EMP2: variants seen among roughly 807,000 people sequenced by gnomAD.
EMP2 encodes the protein epithelial membrane protein 2.
Under a neutral mutation model 13.7 loss-of-function variants are expected in EMP2, and 19 were observed. The ratio of observed to expected loss-of-function variants is 1.38; its 90% CI spans 0.97 to 2.03. EMP2 has a LOEUF of 2.03. Ranked by LOEUF, EMP2 falls within the 30% of genes most tolerant of loss-of-function variation. The pLI is 0.00. For missense variants in EMP2, 253 were observed against 220.7 expected, an observed-to-expected ratio of 1.15 and a Z score of -0.93; for synonymous variants, 97 against 84.7, an observed-to-expected ratio of 1.15 and a Z score of -0.80.
chr16:10,544,986 C>T (rs2050729127), intron 2 of EMP2: 1 of 152,284 alleles, frequency 6.6e-6, no homozygotes. Flanking sequence ...TGGCTGCTGC[C>T]CTTCCCCCAC....
rs1312547668 is a variant in EMP2, at chr16:10,562,378, C to CTCTCTCTCTCTCTA, written c.-60-14702_-60-14701insTAGAGAGAGAGAGA. Reference sequence around the variant, plus strand: ...TCTCTCTCTCTCTCTCTCTCTCTCTCTCTATCTATCTCTCTCTCTCTATCT... The same window carrying CTCTCTCTCTCTCTA: ...TCTCTCTCTCTCTCTCTCTCTCTCTCTCTCTCTCTCTCTATCTATCTATCTCTCTCTCTCTATCT... On this transcript the variant is annotated intron_variant, in intron 1 of 4. Transcript: ENST00000359543. 3.7e-4 allele frequency among the ~76,000 whole-genome samples: 50 copies of CTCTCTCTCTCTCTA among 135,442 alleles called. 1 individual carries two copies. Among genetic ancestry groups the CTCTCTCTCTCTCTA allele is most frequent in the Non-Finnish European group, 4.8e-4 (30 of 62,608 alleles). The allele number at this position is 135,442 out of a possible 152,430, so 88.9% of individuals were successfully genotyped here.
intron 1 of EMP2, among the ~76,000 whole-genome samples, chr16:10,579,337 G>A (rs1343456149): frequency 6.6e-6 from 1 of 152,174 alleles, no homozygotes; most frequent in African/African-American, 2.4e-5. Flanking sequence ...CTGGAGTGCA[G>A]AGGTGGCTAA....
At chr16:10,538,129 G>T (rs182846333) in intron 3 of EMP2, 55 bp from the exon 4 acceptor site, 6 of 1,594,932 alleles carry the variant, frequency 3.8e-6, no homozygotes, top group Non-Finnish European at 5.1e-6. Context: ...CCGGCACTGT[G>T]GGGTACACAG....
intron 2 of EMP2, chr16:10,546,684 T>C (rs1333329154): frequency 3.3e-5 from 5 of 152,172 alleles, no homozygotes; most frequent in Admixed American, 6.5e-5. Context: ...CATGGGACAT[T>C]TAACAATGTC....
At chr16:10,553,305 G>A (rs563252889) in intron 1 of EMP2, among the ~76,000 whole-genome samples, 4 of 152,308 alleles carry the variant, frequency 2.6e-5, no homozygotes, top group South Asian at 4.1e-4. Context: ...GATATTGATT[G>A]CGAGAACACT....
In EMP2 at chr16:10,537,911, C is replaced by T. The variant is rs989696867; in HGVS notation, c.316+17G>A. 6.2e-7 allele frequency: 1 copy of T among 1,610,260 alleles called. No homozygotes were observed. The highest frequency in any genetic ancestry group is 8.5e-7 in the Non-Finnish European group (1 of 1,176,880). On this transcript the variant is annotated intron_variant, in intron 4 of 4. Coordinates refer to ENST00000359543, the MANE Select transcript of EMP2 (RefSeq NM_001424.6). ...TCCAGAAAGCCCCTTGTTAGGGAAG[C>T]CCGTTGATGTACTTACATGACATTA...
At chr16:10,547,906 T>C (rs894585720) in intron 1 of EMP2, among the ~76,000 whole-genome samples, 3 of 152,028 alleles carry the variant, frequency 2.0e-5, no homozygotes, top group Admixed American at 2.0e-4. Flanking sequence ...GTGGTCGTCA[T>C]ACCTGCAGTC....
intron 1 of EMP2, among the ~76,000 whole-genome samples, chr16:10,565,966 A>G (rs73503894): frequency 0.016 from 2,427 of 152,284 alleles, 67 homozygotes; most frequent in African/African-American, 0.056. Flanking sequence ...ACTCAACACA[A>G]AGAGAATCAC....
intron 1 of EMP2, among the ~76,000 whole-genome samples, chr16:10,555,424 T>G (rs1293554934): frequency 2.0e-5 from 3 of 152,218 alleles, no homozygotes; most frequent in Non-Finnish European, 2.9e-5. Context: ...TGTTCAAGTT[T>G]CTGTATAGAA....
At chr16:10,538,167 G>C in intron 3 of EMP2, 93 bp from the exon 4 acceptor site, 1 of 1,485,076 alleles carries the variant, frequency 6.7e-7, no homozygotes, top group African/African-American at 1.4e-5. Context: ...GAGTAGGTGT[G>C]ACAGGAGGCA....
At chr16:10,576,954 G>A (rs2050988006) in intron 1 of EMP2, among the ~76,000 whole-genome samples, 1 of 152,234 alleles carries the variant, frequency 6.6e-6, no homozygotes, top group African/African-American at 2.4e-5. Context: ...CCTACTGCCT[G>A]AGCGGAGCTC....
intron 1 of EMP2, among the ~76,000 whole-genome samples, chr16:10,563,322 G>A (rs1433432720): frequency 2.0e-5 from 3 of 152,144 alleles, no homozygotes; most frequent in Middle Eastern, 3.2e-3. Context: ...CTCCCAAGTA[G>A]CTGGAACTAC....
At chr16:10,570,242 T>A (rs1356597541) in intron 1 of EMP2, among the ~76,000 whole-genome samples, 8 of 149,268 alleles carry the variant, frequency 5.4e-5, no homozygotes, top group Non-Finnish European at 1.0e-4. Context: ...TTTTTTTTTT[T>A]AAAGACAGAG....
intron 1 of EMP2, among the ~76,000 whole-genome samples, chr16:10,554,368 G>C (rs559416344): frequency 6.6e-6 from 1 of 152,192 alleles, no homozygotes; most frequent in South Asian, 2.1e-4. Context: ...TATGTGAGTG[G>C]GTGGAGAAGC....
chr16:10,553,069 T>C (rs960956518), intron 1 of EMP2, among the ~76,000 whole-genome samples: 16 of 152,240 alleles, frequency 1.1e-4, no homozygotes, highest in African/African-American at 3.4e-4. Context: ...ATTTTAGGAC[T>C]TGTGAACCCA....
chr16:10,550,622 A>T (rs773243143), intron 1 of EMP2, among the ~76,000 whole-genome samples: 5 of 152,112 alleles, frequency 3.3e-5, no homozygotes, highest in Non-Finnish European at 7.4e-5. Flanking sequence ...GCTAACTTTG[A>T]TCACTGGGTT....
chr16:10,551,470 A>C (rs990001072), intron 1 of EMP2, among the ~76,000 whole-genome samples: 4 of 152,172 alleles, frequency 2.6e-5, no homozygotes, highest in African/African-American at 4.8e-5. Flanking sequence ...GCAGTGGCAC[A>C]ATCTCGGCTC....
At chr16:10,554,647 A>G (rs546442398) in intron 1 of EMP2, among the ~76,000 whole-genome samples, 1 of 152,288 alleles carries the variant, frequency 6.6e-6, no homozygotes, top group East Asian at 1.9e-4. Context: ...TCCCTTCGAA[A>G]AATGTAACAG....
At chr16:10,577,324 T>C (rs2050990378) in intron 1 of EMP2, among the ~76,000 whole-genome samples, 1 of 152,070 alleles carries the variant, frequency 6.6e-6, no homozygotes, top group Non-Finnish European at 1.5e-5. Context: ...GGTGCCCTCA[T>C]CACCACCACC....
Sources: allele counts gnomAD v4.1 joint callset (sites outside exome capture counted in the v4.1 genomes callset), GRCh38; gene constraint gnomAD v4.1.1; transcripts MANE v1.5; gene names NCBI Gene and HGNC (gene_info 2026-07-23, HGNC 2026-07-21).